RPF2: variants seen among roughly 807,000 people sequenced by gnomAD.
RPF2 encodes brix domain containing 1.
Under a neutral mutation model 38.9 loss-of-function variants are expected in RPF2, and 21 were observed. The ratio of observed to expected loss-of-function variants is 0.54; its 90% CI spans 0.38 to 0.78. The LOEUF (loss-of-function observed/expected upper bound fraction) is 0.78. Ranked by LOEUF, RPF2 falls within the 30% of genes least tolerant of loss-of-function variation. RPF2 has a pLI of 0.00. For missense variants in RPF2, 314 were observed against 358.1 expected, an observed-to-expected ratio of 0.88 and a Z score of 0.99; for synonymous variants, 121 against 126.2, an observed-to-expected ratio of 0.96 and a Z score of 0.28.
chr6:110,982,233 T>C (rs1771444612), intron 1 of RPF2, 104 bp downstream of exon 1: 1 of 1,322,746 alleles, frequency 7.6e-7, no homozygotes, highest in Non-Finnish European at 1.1e-6. Context: ...ACCCCTCTAA[T>C]TACCTGGGTG....
intron 3 of RPF2, among the ~76,000 whole-genome samples, chr6:110,990,010 G>A (rs770946659): frequency 2.0e-5 from 3 of 151,420 alleles, no homozygotes; most frequent in Non-Finnish European, 4.4e-5. Context: ...ATGATCTAAG[G>A]TCACTGCAAC....
At chr6:111,002,758 G>C (rs1771831460) in intron 6 of RPF2, among the ~76,000 whole-genome samples, 2 of 149,328 alleles carry the variant, frequency 1.3e-5, no homozygotes, top group African/African-American at 5.0e-5. Context: ...CATGTACTCA[G>C]ACTTATTAGG....
intron 8 of RPF2, among the ~76,000 whole-genome samples, chr6:111,018,958 G>A (rs1772179369): frequency 1.3e-5 from 2 of 152,184 alleles, no homozygotes; most frequent in African/African-American, 4.8e-5. Flanking sequence ...GCTCATGCCT[G>A]TAATCCCAGA....
rs573117171 is a variant in RPF2 at position 110,993,477 on chromosome 6, G to A, written c.234+1691G>A. 8.6e-5 allele frequency among the ~76,000 whole-genome samples: 13 copies of A among 152,002 alleles called. No individual in the cohort carries two copies. In the South Asian group the frequency reaches 1.2e-3, roughly 15 times the overall value. On this transcript the variant is annotated intron_variant, in intron 4 of 9. Coordinates refer to ENST00000441448, the MANE Select transcript of RPF2 (RefSeq NM_032194.3). ...TTTTATTTGTCTCAGGTTTTTTACA[G>A]TCATTTGTTGAAGAGATCATGAAAG...
Position 110,989,918 on chromosome 6 carries a change from C to T in RPF2, c.194+853C>T, listed in dbSNP as rs184672726. Among the ~76,000 whole-genome samples, 258 of 151,334 alleles carry T rather than the reference C, an allele frequency of 1.7e-3. 2 individuals are homozygous for T. The highest frequency in any genetic ancestry group is 5.7e-3 in the African/African-American group (236 of 41,214). On this transcript the variant is annotated intron_variant, in intron 3 of 9. Coordinates refer to ENST00000441448, the MANE Select transcript of RPF2 (RefSeq NM_032194.3). ...GATTACAGGCGTGAGCCACCCCGCCCGGCCCAGTTTCTTTTTTCTTTCTTT... is the reference window on the plus strand; with the variant it reads ...GATTACAGGCGTGAGCCACCCCGCCTGGCCCAGTTTCTTTTTTCTTTCTTT...
intron 6 of RPF2, among the ~76,000 whole-genome samples, chr6:111,002,915 C>G (rs979145272): frequency 2.0e-5 from 3 of 151,696 alleles, no homozygotes; most frequent in African/African-American, 7.3e-5. Context: ...ATTACAGGCG[C>G]CCACACTCGG....
intron 8 of RPF2, among the ~76,000 whole-genome samples, chr6:111,017,691 G>T (rs1252427382): frequency 6.8e-6 from 1 of 147,730 alleles, no homozygotes; most frequent in African/African-American, 2.6e-5. Flanking sequence ...TTCCTAGACG[G>T]GATGGCGGCC....
chr6:111,011,303 TCTTTC>T (rs773966618), intron 7 of RPF2, among the ~76,000 whole-genome samples: 10 of 145,478 alleles, frequency 6.9e-5, no homozygotes, highest in South Asian at 4.4e-4. Flanking sequence ...TTTCTTTCTT[TCTTTC>T]TTTTTTTTTT....
Position 110,984,906 on chromosome 6 carries a change from G to A in RPF2, c.24-100G>A, listed in dbSNP as rs979758404. 3.1e-6 allele frequency: 4 copies of A among 1,274,268 alleles called. No homozygotes were observed. In the Admixed American group the frequency reaches 7.1e-5, roughly 23 times the overall value. The allele number at this position is 1,274,268 out of a possible 1,614,324, so 78.9% of individuals were successfully genotyped here. ...ATTTTTTTTAAGGGTGGAACCCTAA[G>A]TGACAAATATGTTTTTAAGAATTTT... is the stretch of plus-strand genomic sequence containing the variant. On this transcript the variant is annotated intron_variant, in intron 1 of 9. Transcript: ENST00000441448.
At chr6:111,003,505 A>G (rs1771849824) in intron 6 of RPF2, among the ~76,000 whole-genome samples, 1 of 152,048 alleles carries the variant, frequency 6.6e-6, no homozygotes, top group Non-Finnish European at 1.5e-5. Flanking sequence ...AACTCTTTAA[A>G]CAAGCTCATT....
rs1772310153 is a variant in RPF2 at position 111,025,534 on chromosome 6, G to A, written c.873G>A (p.Arg291=). The change falls in exon 10 of 10, where the codon AGG becomes AGA. Residue 291 remains arginine, a synonymous_variant. Transcript: ENST00000441448. The part of the protein sequence containing the change: ...MKGLKKRPAE[R]ITEDHEKKSK... ...GGTTGAAGAAGCGACCTGCAGAAAG[G>A]ATAACAGAAGACCACGAGAAAAAGT... 1.3e-5 allele frequency: 21 copies of A among 1,611,028 alleles called. No homozygotes were observed. Among genetic ancestry groups the A allele is most frequent in the Non-Finnish European group, 1.7e-5 (20 of 1,179,294 alleles).
intron 8 of RPF2, among the ~76,000 whole-genome samples, chr6:111,023,163 T>C (rs1772263349): frequency 1.3e-5 from 2 of 151,794 alleles, no homozygotes; most frequent in African/African-American, 4.8e-5. Flanking sequence ...CCTCCCAAAG[T>C]GCTGGGACTA....
At position 110,997,215 on chromosome 6, in the gene RPF2, A is replaced by G. The variant is rs1170918939; in HGVS notation, c.267A>G (p.Leu89=). The change falls in exon 5 of 10, where the codon TTA becomes TTG. Residue 89 remains leucine, a synonymous_variant. Transcript: ENST00000441448. ...TTTCAAAGAAGTCAGATTGTTCTTTATTCATGTTTGGCTCCCATAATAAGA... is the reference window on the plus strand; with the variant it reads ...TTTCAAAGAAGTCAGATTGTTCTTTGTTCATGTTTGGCTCCCATAATAAGA... ...EFFSKKSDCS[L]FMFGSHNKKR... 6.2e-7 allele frequency: 1 copy of G among 1,601,402 alleles called. No homozygotes were observed. Among genetic ancestry groups the G allele is most frequent in the South Asian group, 1.1e-5 (1 of 90,508 alleles).
intron 3 of RPF2, among the ~76,000 whole-genome samples, chr6:110,990,450 G>A (rs1182338240): frequency 1.3e-5 from 2 of 151,062 alleles, no homozygotes; most frequent in East Asian, 3.9e-4. Flanking sequence ...GGTTATGCAT[G>A]TTTGTCAAGA....
intron 2 of RPF2, among the ~76,000 whole-genome samples, chr6:110,987,483 G>A (rs1254666095): frequency 6.6e-6 from 1 of 152,118 alleles, no homozygotes; most frequent in Non-Finnish European, 1.5e-5. Context: ...TGTGCTAACG[G>A]GAAACTGCCC....
Position 111,025,611 on chromosome 6 carries a change from T to C in RPF2, c.*29T>C, listed in dbSNP as rs1269245364. 3.2e-6 allele frequency: 5 copies of C among 1,548,004 alleles called. No homozygotes were observed. Among genetic ancestry groups the C allele is most frequent in the Non-Finnish European group, 4.4e-6 (5 of 1,134,562 alleles). On this transcript the variant is annotated 3_prime_UTR_variant, in exon 10 of 10. Transcript: ENST00000441448. ...AACTTAGCCAGCCACTACTGTTTCA[T>C]TGTGTTCTACTTAAGAGAATTATCA...
At chr6:110,985,871 G>T (rs1771515690) in intron 2 of RPF2, among the ~76,000 whole-genome samples, 1 of 150,634 alleles carries the variant, frequency 6.6e-6, no homozygotes, top group African/African-American at 2.5e-5. Flanking sequence ...CTGGGAGGTG[G>T]AGGTCACAGT....
intron 3 of RPF2, among the ~76,000 whole-genome samples, chr6:110,991,313 G>T (rs1771615642): frequency 6.7e-6 from 1 of 150,216 alleles, no homozygotes; most frequent in African/African-American, 2.4e-5. Context: ...TTTTTTTAGA[G>T]ACGGGGTCTC....
intron 7 of RPF2, among the ~76,000 whole-genome samples, chr6:111,014,820 A>T (rs1772079375): frequency 6.6e-6 from 1 of 151,596 alleles, no homozygotes; most frequent in African/African-American, 2.4e-5. Flanking sequence ...CTTTTAATTG[A>T]CTCCTCTTTT....
Sources: allele counts gnomAD v4.1 joint callset (sites outside exome capture counted in the v4.1 genomes callset), GRCh38; gene constraint gnomAD v4.1.1; transcripts MANE v1.5; gene names NCBI Gene and HGNC (gene_info 2026-07-23, HGNC 2026-07-21).